EGFR: variants seen among roughly 807,000 people sequenced by gnomAD.
EGFR encodes avian erythroblastic leukemia viral (v-erb-b) oncogene homolog.
EGFR carries 58 observed loss-of-function variants against 143.0 expected under a neutral mutation model. The observed-to-expected ratio is 0.41, with a 90% CI of 0.33 to 0.50. The LOEUF (loss-of-function observed/expected upper bound fraction) is 0.50. EGFR is among the 20% of genes least tolerant of loss of function. The probability of loss-of-function intolerance (pLI) is 0.39; values close to 1 mark genes in which losing one functional copy is unlikely to be tolerated. For missense variants in EGFR, 1,307 were observed against 1,579.0 expected, an observed-to-expected ratio of 0.83 and a Z score of 2.92; for synonymous variants, 613 against 594.4, an observed-to-expected ratio of 1.03 and a Z score of -0.45.
chr7:55,071,204 G>A (rs1012428967), intron 1 of EGFR, among the ~76,000 whole-genome samples: 2 of 152,208 alleles, frequency 1.3e-5, no homozygotes, highest in African/African-American at 4.8e-5. Flanking sequence ...GAGCTGGAAG[G>A]CTTCTGCCCC....
chr7:55,101,017 T>C (rs1389545421), intron 1 of EGFR, among the ~76,000 whole-genome samples: 1 of 152,270 alleles, frequency 6.6e-6, no homozygotes, highest in South Asian at 2.1e-4. Context: ...CTCCTCGTGC[T>C]GGCCTTGGGC....
Position 55,147,536 on chromosome 7 carries a change from G to A in EGFR, c.559+796G>A, listed in dbSNP as rs185738613. Among the ~76,000 whole-genome samples the A allele has an allele frequency of 1.9e-3, 290 of 150,712 alleles. 1 individual carries two copies. Among genetic ancestry groups the A allele is most frequent in the Non-Finnish European group, 3.1e-3 (208 of 67,830 alleles). ...AAAAAAAAAAAAAAATAGAGCTGAC[G>A]TGAATCTTCAAAATCATCAACTACA... On this transcript the variant is annotated intron_variant, in intron 4 of 27. Coordinates refer to ENST00000275493, the MANE Select transcript of EGFR (RefSeq NM_005228.5).
chr7:55,152,111 C>T (rs965930287), intron 5 of EGFR, among the ~76,000 whole-genome samples: 4 of 152,170 alleles, frequency 2.6e-5, no homozygotes, highest in Non-Finnish European at 5.9e-5. Flanking sequence ...ATGGAGAGGG[C>T]CATTCTCCTA....
intron 1 of EGFR, among the ~76,000 whole-genome samples, chr7:55,113,344 G>A (rs1036486390): frequency 1.3e-5 from 2 of 152,126 alleles, no homozygotes; most frequent in Non-Finnish European, 2.9e-5. Flanking sequence ...GTATTGCCTC[G>A]ATAATCCCAC....
chr7:55,072,241 T>G (rs1789874859), intron 1 of EGFR, among the ~76,000 whole-genome samples: 1 of 152,250 alleles, frequency 6.6e-6, no homozygotes, highest in African/African-American at 2.4e-5. Context: ...ATTGTACCTA[T>G]TACTAGTCTG....
intron 1 of EGFR, among the ~76,000 whole-genome samples, chr7:55,046,266 CTG>C (rs933292619): frequency 6.6e-6 from 1 of 152,156 alleles, no homozygotes; most frequent in African/African-American, 2.4e-5. Flanking sequence ...ACTTTTGCGG[CTG>C]TGTTTCTCTG....
chr7:55,026,549 G>A (rs950472410), intron 1 of EGFR, among the ~76,000 whole-genome samples: 7 of 152,148 alleles, frequency 4.6e-5, no homozygotes, highest in South Asian at 4.2e-4. Context: ...ATCTCCAACC[G>A]GAAACATTCG....
intron 1 of EGFR, among the ~76,000 whole-genome samples, chr7:55,062,068 G>A (rs1562680616): frequency 6.6e-6 from 1 of 152,154 alleles, no homozygotes; most frequent in Admixed American, 6.6e-5. Flanking sequence ...CAATTAACCA[G>A]GAGAGGAACT....
chr7:55,082,324 T>G (rs1790509153), intron 1 of EGFR, among the ~76,000 whole-genome samples: 1 of 152,164 alleles, frequency 6.6e-6, no homozygotes, highest in Admixed American at 6.5e-5. Flanking sequence ...CTCCCTTTCC[T>G]TTCCTCCCCT....
At position 55,161,694 on chromosome 7, in the gene EGFR, T is replaced by C. The variant is rs138053810; in HGVS notation, c.1631+63T>C. 8.2e-5 allele frequency: 133 copies of C among 1,612,806 alleles called. No individual in the cohort carries two copies. In the African/African-American group the frequency reaches 1.6e-3, roughly 20 times the overall value. On this transcript the variant is annotated intron_variant, in intron 13 of 27. Transcript: ENST00000275493. ...AAAATAAGGCTCCAGGTTGTTGTTA[T>C]AGCTTTACAGGCATTCTGTTTGATT...
chr7:55,162,619 A>T (rs1785766256), intron 13 of EGFR, among the ~76,000 whole-genome samples: 1 of 152,204 alleles, frequency 6.6e-6, no homozygotes, highest in Admixed American at 6.5e-5. Flanking sequence ...GGGGAGCCCC[A>T]TGTCCTTCCA....
chr7:55,103,071 A>G (rs1349608705), intron 1 of EGFR, among the ~76,000 whole-genome samples: 1 of 151,912 alleles, frequency 6.6e-6, no homozygotes, highest in African/African-American at 2.4e-5. Context: ...ATAAGAATAG[A>G]CTCCCCATAT....
chr7:55,069,755 G>A (rs921040303), intron 1 of EGFR, among the ~76,000 whole-genome samples: 2 of 152,176 alleles, frequency 1.3e-5, no homozygotes, highest in African/African-American at 4.8e-5. Context: ...AGTGAACTCA[G>A]GAAGATGCCT....
intron 7 of EGFR, among the ~76,000 whole-genome samples, chr7:55,155,503 C>A (rs1785365905): frequency 6.6e-6 from 1 of 152,148 alleles, no homozygotes. Flanking sequence ...GCTATTAATA[C>A]AAATGAATTA....
chr7:55,070,172 C>T (rs1428705579), intron 1 of EGFR, among the ~76,000 whole-genome samples: 1 of 152,190 alleles, frequency 6.6e-6, no homozygotes, highest in Admixed American at 6.5e-5. Flanking sequence ...TCCCCTATCC[C>T]AGGCTGCATC....
At chr7:55,154,911 C>A (rs964744442) in intron 7 of EGFR, among the ~76,000 whole-genome samples, 1 of 115,870 alleles carries the variant, frequency 8.6e-6, no homozygotes, top group Admixed American at 8.2e-5. Flanking sequence ...TTTTACATTC[C>A]GTATGGAAAA....
At chr7:55,175,452 A>G (rs1455081680) in intron 19 of EGFR, among the ~76,000 whole-genome samples, 2 of 152,182 alleles carry the variant, frequency 1.3e-5, no homozygotes, top group Non-Finnish European at 2.9e-5. Context: ...TACCAATTCT[A>G]TTGAACTTTC....
Position 55,201,340 on chromosome 7 carries a change from C to T in EGFR, c.3099C>T (p.Pro1033=), listed in dbSNP as rs370198879. 3.8e-5 allele frequency: 61 copies of T among 1,614,062 alleles called. No homozygotes were observed. Among genetic ancestry groups the T allele is most frequent in the Non-Finnish European group, 4.8e-5 (57 of 1,180,044 alleles). Residue 1033 remains proline (P), a synonymous_variant, in exon 25 of 28, where the codon CCC becomes CCT. Transcript: ENST00000275493. ...FFSSPSTSRT[P]LLSSLSATSN... ...GCAGCCCCTCCACGTCACGGACTCC[C>T]CTCCTGAGCTCTCTGGTATGAAATC...
At chr7:55,099,236 T>G (rs978564055) in intron 1 of EGFR, among the ~76,000 whole-genome samples, 39 of 152,208 alleles carry the variant, frequency 2.6e-4, no homozygotes, top group African/African-American at 8.7e-4. Context: ...GTGCTTGAGT[T>G]CTCCCACATC....
Sources: allele counts gnomAD v4.1 joint callset (sites outside exome capture counted in the v4.1 genomes callset), GRCh38; gene constraint gnomAD v4.1.1; transcripts MANE v1.5; gene names NCBI Gene and HGNC (gene_info 2026-07-23, HGNC 2026-07-21).